Variants in DMXL1 observed in about 807,000 individuals in gnomAD.
DMXL1 encodes the protein Dmx like 1.
A neutral mutation model predicts 319.2 loss-of-function variants in DMXL1; 99 were observed. That is an observed-to-expected ratio of 0.31 (90% confidence interval 0.26 to 0.37). The LOEUF (loss-of-function observed/expected upper bound fraction) is 0.37, where lower values mean the gene tolerates loss of function less well. DMXL1 is among the 10% of genes least tolerant of loss of function. The pLI is 1.00. For synonymous variants in DMXL1, 1,385 were observed against 1,235.2 expected (o/e 1.12, Z -2.54); for missense variants, 3,745 against 3,595.6 (o/e 1.04, Z -1.06).
At chr5:119,224,917 A>C in intron 38 of DMXL1, 148 bp downstream of exon 38, 1 of 375,334 alleles carries the variant, frequency 2.7e-6, no homozygotes. Context: ...CCAGTAAATA[A>C]AATCTTGATT....
intron 10 of DMXL1, among the ~76,000 whole-genome samples, chr5:119,130,798 A>G (rs1764698111): frequency 6.6e-6 from 1 of 152,158 alleles, no homozygotes; most frequent in South Asian, 2.1e-4. Context: ...TCTAGGTACA[A>G]TGACTTGTCT....
intron 1 of DMXL1, among the ~76,000 whole-genome samples, chr5:119,078,957 C>G (rs1037576391): frequency 2.0e-5 from 3 of 152,096 alleles, no homozygotes; most frequent in African/African-American, 7.2e-5. Flanking sequence ...TGTCTGGACC[C>G]TTTTTGTTTG....
chr5:119,133,924 A>C lies in DMXL1; in HGVS notation c.2000A>C (p.Asp667Ala). ...AATGCATTAAGGACACCAGATGTTGATAACCCAGAGCAACCTTTTGATGCT... is the reference window on the plus strand; with the variant it reads ...AATGCATTAAGGACACCAGATGTTGCTAACCCAGAGCAACCTTTTGATGCT... The part of the protein sequence containing the change: ...HHNALRTPDV[D>A]NPEQPFDALN... Residue 667 changes from aspartate (D) to alanine (A), a missense_variant, in exon 12 of 44, where the codon GAT (aspartate) becomes GCT (alanine). Physicochemically the swap from Asp to Ala is moderately radical, Grantham distance 126. Transcript: ENST00000539542. The C allele has an allele frequency of 1.2e-6, 2 of 1,614,200 alleles. No individual in the cohort carries two copies. Among genetic ancestry groups the C allele is most frequent in the South Asian group, 1.1e-5 (1 of 91,084 alleles).
At chr5:119,074,512 C>T (rs1750370774) in intron 1 of DMXL1, among the ~76,000 whole-genome samples, 1 of 152,196 alleles carries the variant, frequency 6.6e-6, no homozygotes. Flanking sequence ...TTGTTTTACT[C>T]ATAAAGCCTG....
In DMXL1 at chr5:119,107,581, C is replaced by T. The variant is rs75904472; in HGVS notation, c.364+2323C>T. 5.0e-4 allele frequency among the ~76,000 whole-genome samples: 76 copies of T among 152,216 alleles called. No individual in the cohort carries two copies. The East Asian group carries it at 0.014, about 27-fold the overall frequency. ...ATATCTAATTCTTAGAGTTTGAAAT[C>T]AGTATACCATATTATATCTTACCTA... On this transcript the variant is annotated intron_variant, in intron 4 of 43. Transcript: ENST00000539542.
At chr5:119,197,656 T>TC in intron 31 of DMXL1, 99 bp from the exon 32 acceptor site, 1 of 1,053,310 alleles carries the variant, frequency 9.5e-7, no homozygotes, top group Non-Finnish European at 1.4e-6. Flanking sequence ...TTTTTTTTTT[T>TC]CCTGCATCTG....
In DMXL1 at chr5:119,193,906, G is replaced by T. The variant is rs748924469; in HGVS notation, c.7393G>T (p.Asp2465Tyr). ...SLGSDDDDND[D>Y]DDDVLASDFH... ...GGGAAGTGATGATGATGACAATGAT[G>T]ATGATGATGATGTTTTAGCATCAGA... The change falls in exon 30 of 44, where the codon GAT (aspartate) becomes TAT (tyrosine). Residue 2465 changes from aspartate (D) to tyrosine (Y), a missense_variant. By Grantham distance (160) the Asp-to-Tyr change is radical (BLOSUM62 -3). Transcript: ENST00000539542. 1 of 1,612,000 alleles carries T rather than the reference G, an allele frequency of 6.2e-7. No individual in the cohort carries two copies. Among genetic ancestry groups the T allele is most frequent in the African/African-American group, 1.3e-5 (1 of 74,822 alleles).
Position 119,118,812 on chromosome 5 carries a change from T to C in DMXL1, c.744-3T>C, listed in dbSNP as rs752421311. 3 of 1,587,946 alleles carry C rather than the reference T, an allele frequency of 1.9e-6. No individual in the cohort carries two copies. The South Asian group carries it at 3.5e-5, about 19-fold the overall frequency. ...TTGCTTCTAAAATCTTTTCATTCCTTAGGGCTTCTGTATGTAATGTACTGT... is the reference window on the plus strand; with the variant it reads ...TTGCTTCTAAAATCTTTTCATTCCTCAGGGCTTCTGTATGTAATGTACTGT... On this transcript the variant is annotated splice_polypyrimidine_tract_variant and splice_region_variant and intron_variant, in intron 7 of 43. Coordinates refer to ENST00000539542, the MANE Select transcript of DMXL1 (RefSeq NM_001290321.3).
chr5:119,132,594 T>C, intron 10 of DMXL1: 1 of 287,452 alleles, frequency 3.5e-6, no homozygotes, highest in South Asian at 3.3e-5. Context: ...GCGGAATTGC[T>C]TGGACCCGGG....
At position 119,197,976 on chromosome 5, in the gene DMXL1, C is replaced by T. The variant is rs370478395; in HGVS notation, c.7745+20C>T. The T allele has an allele frequency of 6.8e-6, 11 of 1,611,184 alleles. No homozygotes were observed. Among genetic ancestry groups the T allele is most frequent in the Non-Finnish European group, 9.3e-6 (11 of 1,177,908 alleles). Reference sequence around the variant, plus strand: ...TTTCAAGTAGGTTTTCTTATGAATGCTATTTGGGTTTTTTTGTTTGTTTGT... The same window carrying T: ...TTTCAAGTAGGTTTTCTTATGAATGTTATTTGGGTTTTTTTGTTTGTTTGT... On this transcript the variant is annotated intron_variant, in intron 32 of 43. Coordinates refer to ENST00000539542, the MANE Select transcript of DMXL1 (RefSeq NM_001290321.3).
At position 119,248,001 on chromosome 5, in the gene DMXL1, G is replaced by A. The variant is rs949750915; in HGVS notation, c.*782G>A. The A allele has an allele frequency of 2.6e-5, 4 of 151,974 alleles. No homozygotes were observed. Among genetic ancestry groups the A allele is most frequent in the Non-Finnish European group, 2.9e-5 (2 of 67,970 alleles). The allele number at this position is 151,974 out of a possible 1,614,324, so 9.4% of individuals were successfully genotyped here. A position where few individuals can be genotyped will look rare whatever the true frequency, so the allele number is the denominator to read the frequency against. On this transcript the variant is annotated 3_prime_UTR_variant, in exon 44 of 44. Coordinates refer to ENST00000539542, the MANE Select transcript of DMXL1 (RefSeq NM_001290321.3). ...TCCTAATTTTCAAATAAGTTTCAAG[G>A]AGACTATCAGGATTATTATTTTAAA...
chr5:119,149,041 C>G lies in DMXL1; in HGVS notation c.3214C>G (p.Gln1072Glu). 1 of 1,613,864 alleles carries G rather than the reference C, an allele frequency of 6.2e-7. No individual in the cohort carries two copies. The highest frequency in any genetic ancestry group is 8.5e-7 in the Non-Finnish European group (1 of 1,179,848). ...KQPASNSRSS[Q>E]DFVMHVSIFE... is the part of the protein sequence containing the mutation. The stretch of plus-strand genomic sequence containing the variant: ...GCCTGCATCTAATAGTAGATCTTCC[C>G]AGGACTTTGTGATGCATGTAAGTAT... The change falls in exon 18 of 44, where the codon CAG (glutamine) becomes GAG (glutamate). Residue 1072 changes from glutamine (Q) to glutamate (E), a missense_variant. Around this residue, in one of 4 missense-constraint regions of DMXL1, gnomAD observed 2,096 missense variants for 1,985.4 expected, o/e 1.06. Coordinates refer to ENST00000539542, the MANE Select transcript of DMXL1 (RefSeq NM_001290321.3).
At position 119,139,524 on chromosome 5, in the gene DMXL1, A is replaced by G. The variant is rs184018845; in HGVS notation, c.2377-4317A>G. Among the ~76,000 whole-genome samples the G allele has an allele frequency of 2.3e-3, 351 of 152,330 alleles. 2 individuals are homozygous for G. The highest frequency in any genetic ancestry group is 7.7e-3 in the African/African-American group (322 of 41,560). Reference sequence around the variant, plus strand: ...GAACCAACAAAGATTAGAAAAAGACAAAGAAGGGCATTACACAATGGTAAA... The same window carrying G: ...GAACCAACAAAGATTAGAAAAAGACGAAGAAGGGCATTACACAATGGTAAA... On this transcript the variant is annotated intron_variant, in intron 13 of 43. Transcript: ENST00000539542.
At chr5:119,072,361 T>G (rs1029604922) in intron 1 of DMXL1, among the ~76,000 whole-genome samples, 7 of 148,564 alleles carry the variant, frequency 4.7e-5, no homozygotes, top group Non-Finnish European at 8.9e-5. Context: ...TAACTATAGG[T>G]TTTTTTTTAA....
chr5:119,135,842 C>T (rs1417523700), intron 13 of DMXL1, among the ~76,000 whole-genome samples: 1 of 152,190 alleles, frequency 6.6e-6, no homozygotes, highest in Non-Finnish European at 1.5e-5. Context: ...TACCCAGTCT[C>T]AGGTATTTCT....
rs539213911 is a variant in DMXL1, at chr5:119,073,167, G to A, written c.87+1511G>A. 2.1e-3 allele frequency among the ~76,000 whole-genome samples: 322 copies of A among 152,230 alleles called. 1 individual carries two copies. Among genetic ancestry groups the A allele is most frequent in the Admixed American group, 3.5e-3 (53 of 15,280 alleles). Reference sequence around the variant, plus strand: ...AGCCTCGACCTCCCCGGCACAAGCCGTCCTTCCACCTTAGGCTCCTGAGGA... The same window carrying A: ...AGCCTCGACCTCCCCGGCACAAGCCATCCTTCCACCTTAGGCTCCTGAGGA... On this transcript the variant is annotated intron_variant, in intron 1 of 43. Transcript: ENST00000539542.
chr5:119,082,016 TATATACAC>T (rs57182564), intron 1 of DMXL1, among the ~76,000 whole-genome samples: 4,214 of 78,460 alleles, frequency 0.054, 232 homozygotes, highest in African/African-American at 0.15. Context: ...TATATATATA[TATATACAC>T]ACACACACAC....
At chr5:119,107,925 C>CA (rs975490097) in intron 4 of DMXL1, among the ~76,000 whole-genome samples, 1 of 152,152 alleles carries the variant, frequency 6.6e-6, no homozygotes, top group African/African-American at 2.4e-5. Context: ...ATTTAAACCT[C>CA]AAATTTTATA....
intron 19 of DMXL1, among the ~76,000 whole-genome samples, chr5:119,153,599 C>T (rs946945480): frequency 6.6e-6 from 1 of 152,194 alleles, no homozygotes; most frequent in Admixed American, 6.5e-5. Flanking sequence ...CAGCCTTGGG[C>T]AAATACCGTT....
Sources: allele counts gnomAD v4.1 joint callset (sites outside exome capture counted in the v4.1 genomes callset), GRCh38; gene constraint gnomAD v4.1.1; regional missense constraint gnomAD v4.1.1; transcripts MANE v1.5; gene names NCBI Gene and HGNC (gene_info 2026-07-23, HGNC 2026-07-21).